Variants in MYO1H observed in about 807,000 individuals in gnomAD.
MYO1H encodes unconventional myosin-Ih.
Under a neutral mutation model 149.3 loss-of-function variants are expected in MYO1H, and 118 were observed. That is an observed-to-expected ratio of 0.79 (90% CI 0.68 to 0.92). MYO1H has a LOEUF of 0.92. Among genes scored for constraint, MYO1H ranks in the 40% least tolerant of loss-of-function variants. The probability of loss-of-function intolerance (pLI) is 0.00; values close to 1 mark genes in which losing one functional copy is unlikely to be tolerated. For synonymous variants in MYO1H, 447 were observed against 465.2 expected (o/e 0.96, Z 0.50); for missense variants, 1,212 against 1,280.7 (o/e 0.95, Z 0.82).
intron 25 of MYO1H, 53 bp from the exon 26 acceptor site, chr12:109,441,562 T>C (rs1592821667): frequency 2.3e-6 from 3 of 1,280,422 alleles, no homozygotes; most frequent in African/African-American, 1.5e-5. Context: ...AGCTCTTCTA[T>C]CCCAAAGAAG....
chr12:109,394,645 G>A (rs1869815295), intron 3 of MYO1H, among the ~76,000 whole-genome samples: 1 of 149,480 alleles, frequency 6.7e-6, no homozygotes, highest in Admixed American at 6.7e-5. Flanking sequence ...CCCAGGCTTT[G>A]CTGAATTTTC....
chr12:109,445,414 G>C, intron 30 of MYO1H, 99 bp from the exon 31 acceptor site: 1 of 885,342 alleles, frequency 1.1e-6, no homozygotes. Flanking sequence ...ATTTGATCTT[G>C]AAACTAGTAG....
At position 109,364,171 on chromosome 12, in the gene MYO1H, TAAAAAAAAA is replaced by T. The variant is rs746308903; in HGVS notation, c.12+16218_12+16226del. ...GGGCAACAGAGAGAGACCATGTCTT[TAAAAAAAAA>T]AAAAAAAAAAAAAAAAAAGAAGTGG... is the stretch of plus-strand genomic sequence containing the variant. On this transcript the variant is annotated intron_variant, in intron 1 of 31. Transcript: ENST00000310903. 5.5e-5 allele frequency among the ~76,000 whole-genome samples: 5 copies of T among 90,290 alleles called. No individual in the cohort carries two copies. In the South Asian group the frequency reaches 1.6e-3, roughly 28 times the overall value. 59.2% of individuals were successfully genotyped at this position (90,290 alleles called of 152,430 possible).
At chr12:109,328,951 CTG>C in the MYO1H span, among the ~76,000 whole-genome samples, 1,191 of 152,044 alleles carry the variant, frequency 7.8e-3, 8 homozygotes, top group Non-Finnish European at 0.014. Flanking sequence ...AAAGTGGTAA[CTG>C]TGTAAAGTGA....
the MYO1H span, among the ~76,000 whole-genome samples, chr12:109,316,446 C>T: frequency 6.6e-6 from 1 of 152,162 alleles, no homozygotes; most frequent in Non-Finnish European, 1.5e-5. Context: ...CATCTCTTCC[C>T]ATTTGTGTCT....
the MYO1H span, among the ~76,000 whole-genome samples, chr12:109,316,964 G>A: frequency 3.3e-5 from 5 of 152,310 alleles, no homozygotes; most frequent in African/African-American, 1.2e-4. Context: ...CTGCACAGTG[G>A]AGGAGGCAGT....
chr12:109,408,898 TTG>T (rs1465996223), intron 10 of MYO1H, among the ~76,000 whole-genome samples: 1 of 152,184 alleles, frequency 6.6e-6, no homozygotes, highest in African/African-American at 2.4e-5. Flanking sequence ...CAAGCGATTC[TTG>T]TGCCTCAAAC....
At chr12:109,385,021 A>G (rs2137028627) in intron 1 of MYO1H, among the ~76,000 whole-genome samples, 1 of 152,344 alleles carries the variant, frequency 6.6e-6, no homozygotes, top group East Asian at 1.9e-4. Context: ...AGCACTCACT[A>G]AATTTAAATT....
intron 20 of MYO1H, 101 bp downstream of exon 20, chr12:109,433,111 G>C (rs1566040913): frequency 5.4e-6 from 5 of 927,546 alleles, no homozygotes; most frequent in Non-Finnish European, 8.7e-6. Flanking sequence ...CGATTCCTAG[G>C]GATTTATGGA....
At chr12:109,366,689 T>C (rs1300532998) in intron 1 of MYO1H, among the ~76,000 whole-genome samples, 1 of 152,170 alleles carries the variant, frequency 6.6e-6, no homozygotes, top group Non-Finnish European at 1.5e-5. Flanking sequence ...AATTGAGCAG[T>C]GAACAGATGT....
intron 6 of MYO1H, among the ~76,000 whole-genome samples, chr12:109,403,457 A>C (rs1374954473): frequency 6.6e-6 from 1 of 152,236 alleles, no homozygotes; most frequent in East Asian, 1.9e-4. Flanking sequence ...TTTAAAAGAC[A>C]ACTTCTGGAG....
At chr12:109,351,016 A>G (rs1480834247) in intron 1 of MYO1H, among the ~76,000 whole-genome samples, 1 of 152,144 alleles carries the variant, frequency 6.6e-6, no homozygotes, top group Admixed American at 6.5e-5. Context: ...TTTTACCCTG[A>G]GTGTCATAAG....
chr12:109,396,655 A>G (rs999005704), intron 4 of MYO1H, 73 bp downstream of exon 4: 1 of 1,392,090 alleles, frequency 7.2e-7, no homozygotes, highest in African/African-American at 1.4e-5. Flanking sequence ...CTGTCTGGGC[A>G]GGTCAGTCAA....
intron 3 of MYO1H, among the ~76,000 whole-genome samples, chr12:109,396,091 G>C (rs570301903): frequency 6.6e-6 from 1 of 151,774 alleles, no homozygotes; most frequent in African/African-American, 2.4e-5. Flanking sequence ...GCTAATTTTT[G>C]TATCTTTTTT....
chr12:109,336,809 C>CT, the MYO1H span, among the ~76,000 whole-genome samples: 3 of 152,114 alleles, frequency 2.0e-5, no homozygotes, highest in Non-Finnish European at 4.4e-5. Context: ...TGGTGCAGAA[C>CT]TCTGACCAAG....
intron 18 of MYO1H, 42 bp from the exon 19 acceptor site, chr12:109,427,427 A>C: frequency 3.0e-6 from 4 of 1,313,906 alleles, no homozygotes; most frequent in Non-Finnish European, 4.4e-6. Context: ...ATATGAAGCC[A>C]TGGGATCCTT....
chr12:109,359,426 C>A (rs1592778968), intron 1 of MYO1H: 2 of 152,156 alleles, frequency 1.3e-5, no homozygotes, highest in South Asian at 2.1e-4. Flanking sequence ...TCTATTGTTC[C>A]CTGTCATCTT....
rs954765737 is a variant in MYO1H, at chr12:109,418,694, A to G, written c.1598-2287A>G. Among the ~76,000 whole-genome samples, 6 of 1,208 alleles carry G rather than the reference A, an allele frequency of 5.0e-3. No homozygotes were observed. The Admixed American group carries it at 0.052, about 10-fold the overall frequency. 0.8% of individuals were successfully genotyped at this position (1,208 alleles called of 152,430 possible). ...CTCCCTAGTAGCTGGGACTACAGGC[A>G]CCCCACGCCCGGCTAGTTTTTTGTA... On this transcript the variant is annotated intron_variant, in intron 15 of 31. Transcript: ENST00000310903.
At chr12:109,443,063 T>TATATGTGTAC (rs1491142179) in intron 27 of MYO1H, among the ~76,000 whole-genome samples, 1 of 107,602 alleles carries the variant, frequency 9.3e-6, no homozygotes, top group Non-Finnish European at 2.0e-5. Context: ...TGTGTACGTA[T>TATATGTGTAC]GTGTGTATAT....
Sources: allele counts gnomAD v4.1 joint callset (sites outside exome capture counted in the v4.1 genomes callset), GRCh38; gene constraint gnomAD v4.1.1; transcripts MANE v1.5; gene names NCBI Gene and HGNC (gene_info 2026-07-23, HGNC 2026-07-21).